SPO11: variants seen among roughly 807,000 people sequenced by gnomAD.
SPO11 encodes the protein meiotic recombination protein SPO11.
A neutral mutation model predicts 51.6 loss-of-function variants in SPO11; 49 were observed. The ratio of observed to expected loss-of-function variants is 0.95; its 90% CI spans 0.75 to 1.20. The LOEUF (loss-of-function observed/expected upper bound fraction) is 1.20. Among genes scored for constraint, SPO11 ranks in the 50% most tolerant of loss-of-function variants. The pLI, the probability that SPO11 is intolerant of heterozygous loss-of-function variation, is 0.00. For missense variants in SPO11, 431 were observed against 473.4 expected, an observed-to-expected ratio of 0.91 and a Z score of 0.83; for synonymous variants, 176 against 158.2, an observed-to-expected ratio of 1.11 and a Z score of -0.84.
At chr20:57,332,256 C>G (rs944939069) in intron 2 of SPO11, among the ~76,000 whole-genome samples, 2 of 152,198 alleles carry the variant, frequency 1.3e-5, no homozygotes, top group Admixed American at 1.3e-4. Context: ...TGGAGCTAAG[C>G]TTTCTAGCAG....
Position 57,331,847 on chromosome 20 carries a change from C to A in SPO11, c.146C>A (p.Ala49Glu). ...TATTGTTTCAGTTCTGAGGTTCTTG[C>A]ATCTATAGAAAATATTATCCAAGAC... ...SRLASSSEVLASIENIIQDII... is the reference protein window; with the variant it reads ...SRLASSSEVLESIENIIQDII... Residue 49 changes from alanine to glutamate, a missense_variant, in exon 2 of 13, where the codon GCA becomes GAA. This residue lies in a region of SPO11 where 405 missense variants were observed against 425.9 expected (regional missense o/e 0.95). Transcript: ENST00000371263. The A allele has an allele frequency of 1.9e-6, 3 of 1,584,366 alleles. No individual in the cohort carries two copies. The highest frequency in any genetic ancestry group is 1.2e-5 in the South Asian group (1 of 84,802).
At chr20:57,343,311 G>A (rs1438585711) in intron 12 of SPO11, 30 bp from the exon 13 acceptor site, 1 of 1,598,798 alleles carries the variant, frequency 6.3e-7, no homozygotes, top group Non-Finnish European at 8.5e-7. Flanking sequence ...TAAGAACTCT[G>A]GTATGAGTAC....
At chr20:57,332,213 T>C (rs1387294311) in intron 2 of SPO11, among the ~76,000 whole-genome samples, 1 of 152,150 alleles carries the variant, frequency 6.6e-6, no homozygotes, top group Non-Finnish European at 1.5e-5. Context: ...TGTGATAAAG[T>C]CTCATAATTT....
chr20:57,330,817 G>A (rs2066440367), intron 1 of SPO11, among the ~76,000 whole-genome samples: 3 of 152,180 alleles, frequency 2.0e-5, no homozygotes, highest in Non-Finnish European at 1.5e-5. Flanking sequence ...GAGGGAAAAG[G>A]AGAGTGGCAA....
intron 11 of SPO11, 94 bp downstream of exon 11, chr20:57,340,272 T>C (rs2066565340): frequency 1.4e-6 from 1 of 720,132 alleles, no homozygotes; most frequent in Non-Finnish European, 2.4e-6. Flanking sequence ...GGAAAGCTCT[T>C]AATGTTTTTT....
chr20:57,334,137 A>G, intron 5 of SPO11, 42 bp downstream of exon 5: 2 of 1,052,014 alleles, frequency 1.9e-6, no homozygotes, highest in Middle Eastern at 3.1e-4. Context: ...TTAAAACAAA[A>G]TGTTTGTATA....
Position 57,331,904 on chromosome 20 carries a change from C to T in SPO11, c.203C>T (p.Pro68Leu). Residue 68 changes from proline to leucine, a missense_variant, in exon 2 of 13, where the codon CCT becomes CTT. This residue lies in a region of SPO11 where 405 missense variants were observed against 425.9 expected (regional missense o/e 0.95). Coordinates refer to ENST00000371263, the MANE Select transcript of SPO11 (RefSeq NM_012444.3). Reference sequence around the variant, plus strand: ...ACAAGCTTGGCAAGAAATGAAGCACCTGCATTCACGATAGACAACAGATCA... The same window carrying T: ...ACAAGCTTGGCAAGAAATGAAGCACTTGCATTCACGATAGACAACAGATCA... ...IITSLARNEA[P>L]AFTIDNRSSW... 1 of 1,604,376 alleles carries T rather than the reference C, an allele frequency of 6.2e-7. No individual in the cohort carries two copies. The highest frequency in any genetic ancestry group is 8.5e-7 in the Non-Finnish European group (1 of 1,175,612).
chr20:57,336,103 T>C (rs1382895419), intron 8 of SPO11, among the ~76,000 whole-genome samples, 196 bp downstream of exon 8: 4 of 152,100 alleles, frequency 2.6e-5, no homozygotes, highest in African/African-American at 9.7e-5. Flanking sequence ...CTTTTTTTTT[T>C]AATAGAGACA....
rs1044797374 is a variant in SPO11, at chr20:57,335,462, T to C, written c.634+7T>C. 1.2e-6 allele frequency: 2 copies of C among 1,608,910 alleles called. No individual in the cohort carries two copies. The highest frequency in any genetic ancestry group is 1.7e-5 in the Admixed American group (1 of 59,014). Reference sequence around the variant, plus strand: ...AATATTCAAGGAATTCGGAGTATCCTTTAAGTGGGAAAACTATTTAAACTT... The same window carrying C: ...AATATTCAAGGAATTCGGAGTATCCCTTAAGTGGGAAAACTATTTAAACTT... On this transcript the variant is annotated splice_region_variant and intron_variant, in intron 7 of 12. Transcript: ENST00000371263.
Position 57,334,829 on chromosome 20 carries a change from G to A in SPO11, c.590G>A (p.Gly197Asp). The A allele has an allele frequency of 6.2e-7, 1 of 1,613,462 alleles. No individual in the cohort carries two copies. The highest frequency in any genetic ancestry group is 8.5e-7 in the Non-Finnish European group (1 of 1,179,570). ...GGCACCAAAGTGAATTGTACCTGTG[G>A]TGCAACGGTAAGAAGCATCATTGAA... Reference protein sequence around the residue: ...EDGTKVNCTCGATAVAVPSNI... With the variant: ...EDGTKVNCTCDATAVAVPSNI... The change falls in exon 6 of 13, where the codon GGT becomes GAT. Residue 197 changes from glycine to aspartate, a missense_variant. By Grantham distance (94) the Gly-to-Asp change is moderately conservative. Transcript: ENST00000371263.
chr20:57,331,059 C>T (rs1034133804), intron 1 of SPO11, among the ~76,000 whole-genome samples: 7 of 152,138 alleles, frequency 4.6e-5, no homozygotes, highest in African/African-American at 7.2e-5. Flanking sequence ...ACATTTTGCC[C>T]GTTTTCTAGA....
At position 57,333,229 on chromosome 20, in the gene SPO11, C is replaced by T; in HGVS notation, c.287C>T (p.Thr96Ile). ...GGTCTTCAGATGGTATCCCATTGCA[C>T]CACCAGAAAGATCAAAAGTGATTCA... is the stretch of plus-strand genomic sequence containing the variant. ...SVGLQMVSHC[T>I]TRKIKSDSPK... The change falls in exon 3 of 13, where the codon ACC (threonine) becomes ATC (isoleucine). Residue 96 changes from threonine to isoleucine, a missense_variant. Around this residue, in one of 3 missense-constraint regions of SPO11, gnomAD observed 405 missense variants for 425.9 expected, o/e 0.95. Coordinates refer to ENST00000371263, the MANE Select transcript of SPO11 (RefSeq NM_012444.3). 6.2e-7 allele frequency: 1 copy of T among 1,610,074 alleles called. No homozygotes were observed. Among genetic ancestry groups the T allele is most frequent in the Non-Finnish European group, 8.5e-7 (1 of 1,178,954 alleles).
Position 57,335,413 on chromosome 20 carries a change from T to TA in SPO11, c.598-2dup, listed in dbSNP as rs1267177664. 3 of 1,602,428 alleles carry TA rather than the reference T, an allele frequency of 1.9e-6. No individual in the cohort carries two copies. The highest frequency in any genetic ancestry group is 2.6e-6 in the Non-Finnish European group (3 of 1,176,134). On this transcript the variant is annotated splice_polypyrimidine_tract_variant and splice_region_variant and intron_variant, in intron 6 of 12. Coordinates refer to ENST00000371263, the MANE Select transcript of SPO11 (RefSeq NM_012444.3). ...TTATGTAAGATAAAAACTTTTTTTTTAAAAGGCTGTTGCTGTGCCATCGAA... is the reference window on the plus strand; with the variant it reads ...TTATGTAAGATAAAAACTTTTTTTTTAAAAAGGCTGTTGCTGTGCCATCGAA...
intron 8 of SPO11, among the ~76,000 whole-genome samples, 195 bp downstream of exon 8, chr20:57,336,102 T>C (rs1162197796): frequency 1.3e-5 from 2 of 152,174 alleles, no homozygotes; most frequent in African/African-American, 4.8e-5. Context: ...TCTTTTTTTT[T>C]TAATAGAGAC....
At position 57,343,624 on chromosome 20, in the gene SPO11, C is replaced by T. The variant is rs2066610168; in HGVS notation, c.*164C>T. ...TATTTTTGTCAAAACAAATGCTGTA[C>T]TCCAATTTTCTTTGCAAGGCCTTAT... On this transcript the variant is annotated 3_prime_UTR_variant, in exon 13 of 13. Coordinates refer to ENST00000371263, the MANE Select transcript of SPO11 (RefSeq NM_012444.3). 2.7e-6 allele frequency: 2 copies of T among 751,028 alleles called. No homozygotes were observed. The allele number at this position is 751,028 out of a possible 1,614,324, so 46.5% of individuals were successfully genotyped here. A position where few individuals can be genotyped will look rare whatever the true frequency, so the allele number is the denominator to read the frequency against.
At chr20:57,339,169 C>T (rs943927586) in intron 10 of SPO11, 143 bp downstream of exon 10, 14 of 475,270 alleles carry the variant, frequency 2.9e-5, no homozygotes, top group Non-Finnish European at 5.0e-5. Flanking sequence ...ATTCTAGGAG[C>T]AATCTGTGTG....
rs938456293 is a variant in SPO11 at position 57,343,851 on chromosome 20, A to T, written c.*391A>T. ...GGTAACAAAAATCATAATGATCTGAATTTGAGATGTTGCAAATGAATTGTG... is the reference window on the plus strand; with the variant it reads ...GGTAACAAAAATCATAATGATCTGATTTTGAGATGTTGCAAATGAATTGTG... On this transcript the variant is annotated 3_prime_UTR_variant, in exon 13 of 13. Coordinates refer to ENST00000371263, the MANE Select transcript of SPO11 (RefSeq NM_012444.3). 1 of 153,830 alleles carries T rather than the reference A, an allele frequency of 6.5e-6. No homozygotes were observed. The highest frequency in any genetic ancestry group is 1.4e-5 in the Non-Finnish European group (1 of 69,326). 9.5% of individuals were successfully genotyped at this position (153,830 alleles called of 1,614,324 possible).
chr20:57,331,085 C>T (rs1225447234), intron 1 of SPO11, among the ~76,000 whole-genome samples: 1 of 152,206 alleles, frequency 6.6e-6, no homozygotes, highest in African/African-American at 2.4e-5. Context: ...TTTGATTTCT[C>T]TTCCTAGACA....
At chr20:57,336,049 T>A in intron 8 of SPO11, 142 bp downstream of exon 8, 1 of 585,574 alleles carries the variant, frequency 1.7e-6, no homozygotes, top group East Asian at 3.0e-5. Flanking sequence ...GAATTTCCAA[T>A]GTGTTTATTT....
Sources: gnomAD v4.1 joint callset for allele counts (sites outside exome capture counted in the v4.1 genomes callset) on GRCh38, gnomAD v4.1.1 for gene constraint, gnomAD v4.1.1 regional missense constraint, MANE v1.5 for transcripts, NCBI Gene and HGNC (gene_info 2026-07-23, HGNC 2026-07-21) for gene names.